The following HTR4 variants were observed in gnomAD, a reference collection of about 807,000 sequenced individuals.
HTR4 encodes 5-hydroxytryptamine (serotonin) receptor 4, G protein-coupled.
In HTR4, 16 loss-of-function variants were observed where a neutral mutation model predicts 36.8. The ratio of observed to expected loss-of-function variants is 0.43; its 90% CI spans 0.29 to 0.66. The LOEUF is 0.66. HTR4 is among the 30% of genes least tolerant of loss of function. The pLI is 0.13. For missense variants in HTR4, 438 were observed against 490.9 expected (o/e 0.89, Z 1.02); for synonymous variants, 189 against 185.1 (o/e 1.02, Z -0.17).
chr5:148,472,599 C>G (rs1755596803), downstream of HTR4, among the ~76,000 whole-genome samples: 1 of 152,102 alleles, frequency 6.6e-6, no homozygotes, highest in Non-Finnish European at 1.5e-5. Context: ...GTTGTTGCCC[C>G]AGGGAACTAT....
chr5:148,593,256 A>G (rs958877705), intron 2 of HTR4, among the ~76,000 whole-genome samples: 2 of 152,192 alleles, frequency 1.3e-5, no homozygotes, highest in African/African-American at 4.8e-5. Context: ...GAGGAGTATC[A>G]AGTTTTCTTC....
At chr5:148,453,917 G>A (rs1304141417) in intron 5 of HTR4, among the ~76,000 whole-genome samples, 2 of 152,184 alleles carry the variant, frequency 1.3e-5, no homozygotes, top group African/African-American at 4.8e-5. Flanking sequence ...AGCTGTAAAG[G>A]TGGTGAGGAA....
chr5:148,581,396 A>G (rs928349475), intron 2 of HTR4, among the ~76,000 whole-genome samples: 2 of 151,802 alleles, frequency 1.3e-5, no homozygotes, highest in Non-Finnish European at 2.9e-5. Context: ...TTTGGGTGCC[A>G]TATCCAAGAA....
At chr5:148,639,177 C>A (rs972119346) in intron 1 of HTR4, among the ~76,000 whole-genome samples, 8 of 152,156 alleles carry the variant, frequency 5.3e-5, no homozygotes, top group African/African-American at 1.9e-4. Flanking sequence ...TACTCACCCA[C>A]ACCCCCAATC....
intron 4 of HTR4, among the ~76,000 whole-genome samples, chr5:148,524,026 C>A (rs1401734261): frequency 6.6e-6 from 1 of 150,980 alleles, no homozygotes; most frequent in Non-Finnish European, 1.5e-5. Flanking sequence ...TTCAAGGATT[C>A]CCCTCCATCC....
intron 4 of HTR4, among the ~76,000 whole-genome samples, chr5:148,542,850 TCTGGCCAGCCTAAGGGGAA>T (rs1298884183): frequency 6.6e-6 from 1 of 152,064 alleles, no homozygotes; most frequent in East Asian, 1.9e-4. Context: ...ACCTGTAGGG[TCTGGCCAGCCTAAGGGGAA>T]CTGGTATCTC....
intron 6 of HTR4, among the ~76,000 whole-genome samples, chr5:148,507,288 G>A (rs1166124923): frequency 1.4e-5 from 2 of 146,994 alleles, no homozygotes; most frequent in African/African-American, 5.0e-5. Flanking sequence ...AAAACCAAAC[G>A]CCGCATATTC....
At chr5:148,570,491 A>C (rs550692351) in intron 2 of HTR4, among the ~76,000 whole-genome samples, 11 of 152,252 alleles carry the variant, frequency 7.2e-5, no homozygotes, top group Non-Finnish European at 1.3e-4. Flanking sequence ...CTGCAACTTA[A>C]AGAGGAATAG....
intron 2 of HTR4, among the ~76,000 whole-genome samples, chr5:148,552,772 G>T (rs1241043277): frequency 6.6e-6 from 1 of 152,180 alleles, no homozygotes; most frequent in Non-Finnish European, 1.5e-5. Flanking sequence ...AATCTCCAGT[G>T]TCTGGCACAA....
intron 6 of HTR4, among the ~76,000 whole-genome samples, chr5:148,508,694 T>C (rs900598384): frequency 6.6e-6 from 1 of 152,222 alleles, no homozygotes; most frequent in Non-Finnish European, 1.5e-5. Context: ...ACATCCATTA[T>C]ATCACATGGT....
intron 2 of HTR4, among the ~76,000 whole-genome samples, chr5:148,558,994 T>C (rs1245651106): frequency 1.3e-5 from 2 of 152,140 alleles, no homozygotes; most frequent in African/African-American, 2.4e-5. Context: ...CTATAGAACA[T>C]TGTAACAGCC....
intron 2 of HTR4, among the ~76,000 whole-genome samples, chr5:148,602,446 T>C (rs941291218): frequency 8.5e-5 from 13 of 152,188 alleles, no homozygotes; most frequent in Admixed American, 6.5e-5. Flanking sequence ...AATTAAATTA[T>C]GATGTGTTAA....
In HTR4 at chr5:148,509,732, C is replaced by G. The variant is rs979666622; in HGVS notation, c.800G>C (p.Cys267Ser). The change falls in exon 6 of 7, where the codon TGC becomes TCC. Residue 267 changes from cysteine (C) to serine (S), a missense_variant. Cys to Ser is a moderately radical substitution (Grantham distance 112). Transcript: ENST00000377888. ...GAATGGTGCCCAGCAGAGGCAGAAG[C>G]AACCCATGATGATGCACAGGGTCTT... ...AAKTLCIIMG[C>S]FCLCWAPFFV... 9 of 1,613,954 alleles carry G rather than the reference C, an allele frequency of 5.6e-6. No individual in the cohort carries two copies. Among genetic ancestry groups the G allele is most frequent in the Non-Finnish European group, 7.6e-6 (9 of 1,180,000 alleles).
chr5:148,563,669 T>C (rs1243380574), intron 2 of HTR4, among the ~76,000 whole-genome samples: 1 of 152,206 alleles, frequency 6.6e-6, no homozygotes, highest in East Asian at 1.9e-4. Context: ...AGTGCCTGTA[T>C]TGAGCATGTA....
intron 4 of HTR4, among the ~76,000 whole-genome samples, chr5:148,547,007 T>C (rs1221109332): frequency 6.6e-6 from 1 of 152,216 alleles, no homozygotes; most frequent in Non-Finnish European, 1.5e-5. Flanking sequence ...TCATTATCTC[T>C]AGCTATAGAG....
chr5:148,613,579 G>A (rs559301315), intron 2 of HTR4, among the ~76,000 whole-genome samples: 3,403 of 150,084 alleles, frequency 0.023, 146 homozygotes, highest in African/African-American at 0.079. Flanking sequence ...ATATCATACT[G>A]AATGGGCAAA....
At chr5:148,634,301 C>T (rs1419922869) in intron 2 of HTR4, among the ~76,000 whole-genome samples, 1 of 152,118 alleles carries the variant, frequency 6.6e-6, no homozygotes, top group Non-Finnish European at 1.5e-5. Flanking sequence ...TCTTCCAAAC[C>T]CCATTTACCA....
At chr5:148,568,686 T>G (rs1581488690) in intron 2 of HTR4, among the ~76,000 whole-genome samples, 1 of 152,286 alleles carries the variant, frequency 6.6e-6, no homozygotes, top group Non-Finnish European at 1.5e-5. Context: ...AAGGGTGTGC[T>G]GAAAGCATAC....
intron 2 of HTR4, among the ~76,000 whole-genome samples, chr5:148,607,025 T>A (rs1320044301): frequency 6.6e-6 from 1 of 152,198 alleles, no homozygotes; most frequent in Non-Finnish European, 1.5e-5. Context: ...CTTTTTTCAG[T>A]TAAACCTTAA....
Sources: allele counts gnomAD v4.1 joint callset (sites outside exome capture counted in the v4.1 genomes callset), GRCh38; gene constraint gnomAD v4.1.1; transcripts MANE v1.5; gene names NCBI Gene and HGNC (gene_info 2026-07-23, HGNC 2026-07-21).